The following SMYD1 variants were observed in gnomAD, a reference collection of about 807,000 sequenced individuals.
SMYD1 encodes the protein SET and MYND domain containing 1.
SMYD1 carries 49 observed loss-of-function variants against 54.0 expected under a neutral mutation model. The observed-to-expected ratio is 0.91, with a 90% confidence interval of 0.72 to 1.15. SMYD1 has a LOEUF of 1.15. SMYD1 is among the 50% of genes most tolerant of loss of function. The pLI is 0.00. For missense variants in SMYD1, 653 were observed against 639.6 expected (o/e 1.02, Z -0.23); for synonymous variants, 269 against 234.2 (o/e 1.15, Z -1.36).
intron 6 of SMYD1, among the ~76,000 whole-genome samples, chr2:88,098,639 G>A (rs148557101): frequency 6.6e-6 from 1 of 152,096 alleles, no homozygotes; most frequent in Non-Finnish European, 1.5e-5. Flanking sequence ...TAATGTAGTA[G>A]GAAGAATACT....
At position 88,091,034 on chromosome 2, in the gene SMYD1, TCA is replaced by T; in HGVS notation, c.552_553del (p.Ser185Ter). 1.2e-6 allele frequency: 2 copies of T among 1,614,062 alleles called. No individual in the cohort carries two copies. The highest frequency in any genetic ancestry group is 1.1e-5 in the South Asian group (1 of 91,042). On this transcript the variant is annotated frameshift_variant, in exon 4 of 10. Coordinates refer to ENST00000419482, the MANE Select transcript of SMYD1 (RefSeq NM_198274.4). LOFTEE classifies it high-confidence loss of function. ...TAGATTAACTGCAACGGTTTTACTC[TCA>T]GTGATCAGAGAGGCCTGCAGGCCGT...
At chr2:88,098,873 G>A (rs1674660189) in intron 6 of SMYD1, among the ~76,000 whole-genome samples, 1 of 152,064 alleles carries the variant, frequency 6.6e-6, no homozygotes, top group African/African-American at 2.4e-5. Context: ...GCCTCCATCA[G>A]TACACCAGCC....
At chr2:88,110,200 AGTGTGTGTGTGTGTGT>A (rs3222709) in intron 9 of SMYD1, among the ~76,000 whole-genome samples, 138 bp from the exon 10 acceptor site, 1 of 138,986 alleles carries the variant, frequency 7.2e-6, no homozygotes, top group Non-Finnish European at 1.5e-5. Flanking sequence ...TTGATGAATG[AGTGTGTGTGTGTGTGT>A]GTGTGTGTGT....
intron 6 of SMYD1, among the ~76,000 whole-genome samples, chr2:88,098,583 CT>C (rs1490802193): frequency 6.6e-6 from 1 of 152,108 alleles, no homozygotes; most frequent in Non-Finnish European, 1.5e-5. Flanking sequence ...TTGAGTATAT[CT>C]TTTTAAAAGC....
chr2:88,074,908 T>C (rs915127822), intron 1 of SMYD1, among the ~76,000 whole-genome samples: 4 of 152,198 alleles, frequency 2.6e-5, no homozygotes, highest in African/African-American at 9.6e-5. Context: ...TGTGTGAGCA[T>C]GTGGGAATGG....
At chr2:88,082,643 G>A in intron 1 of SMYD1, 1 of 154,498 alleles carries the variant, frequency 6.5e-6, no homozygotes, top group Middle Eastern at 5.2e-4. Flanking sequence ...ACCTCCTTCG[G>A]CTACAGGGAT....
intron 8 of SMYD1, 52 bp from the exon 9 acceptor site, chr2:88,108,319 C>T (rs1028339604): frequency 4.1e-6 from 6 of 1,448,152 alleles, no homozygotes; most frequent in Non-Finnish European, 4.6e-6. Flanking sequence ...AAATTAAGTG[C>T]AGATATAAGG....
rs538266390 is a variant in SMYD1 at position 88,089,701 on chromosome 2, T to TC, written c.529-1308dup. ...TCCATCTTCCAGGCTCAAGTGATCC[T>TC]CCCGCCTCCCAAGTAGCTGGGACCA... On this transcript the variant is annotated intron_variant, in intron 3 of 9. Transcript: ENST00000419482. Among the ~76,000 whole-genome samples, 870 of 147,706 alleles carry TC rather than the reference T, an allele frequency of 5.9e-3. 7 individuals carry two copies. The highest frequency in any genetic ancestry group is 0.021 in the African/African-American group (832 of 40,278).
intron 9 of SMYD1, among the ~76,000 whole-genome samples, chr2:88,109,281 C>G (rs930070325): frequency 1.4e-5 from 1 of 72,416 alleles, no homozygotes; most frequent in Non-Finnish European, 2.9e-5. Context: ...TGTGTGCATG[C>G]ACACAGCCAT....
chr2:88,068,151 G>T, intron 1 of SMYD1, 150 bp downstream of exon 1: 1 of 1,141,836 alleles, frequency 8.8e-7, no homozygotes, highest in Non-Finnish European at 1.2e-6. Flanking sequence ...TAATTTTTCT[G>T]GCACAAATTT....
chr2:88,070,345 A>G (rs998973008), intron 1 of SMYD1, among the ~76,000 whole-genome samples: 2 of 152,220 alleles, frequency 1.3e-5, no homozygotes, highest in Non-Finnish European at 2.9e-5. Flanking sequence ...GTTTTAATCC[A>G]TCTTACTGCA....
chr2:88,087,334 G>A (rs563730601), intron 2 of SMYD1, among the ~76,000 whole-genome samples: 2 of 152,164 alleles, frequency 1.3e-5, no homozygotes, highest in African/African-American at 2.4e-5. Context: ...CCAGGCTGCC[G>A]CACCTCTCTG....
intron 7 of SMYD1, among the ~76,000 whole-genome samples, chr2:88,104,199 A>C (rs757609229): frequency 6.6e-5 from 10 of 151,976 alleles, no homozygotes; most frequent in African/African-American, 1.2e-4. Flanking sequence ...ATTTCCCAAC[A>C]TCATGATCTG....
In SMYD1 at chr2:88,108,428, G is replaced by C; in HGVS notation, c.1203G>C (p.Leu401=). The C allele has an allele frequency of 6.2e-7, 1 of 1,613,026 alleles. No individual in the cohort carries two copies. Among genetic ancestry groups the C allele is most frequent in the Admixed American group, 1.7e-5 (1 of 59,908 alleles). ...QLGMAVMRAG[L]TNWHAGNIEV... ...GCATGGCCGTGATGCGGGCAGGGCT[G>C]ACCAACTGGCATGCTGGTAACATTG... Residue 401 remains leucine, a synonymous_variant, in exon 9 of 10, where the codon CTG becomes CTC. Transcript: ENST00000419482.
At chr2:88,089,480 C>G (rs1674414007) in intron 3 of SMYD1, among the ~76,000 whole-genome samples, 1 of 151,924 alleles carries the variant, frequency 6.6e-6, no homozygotes, top group Admixed American at 6.6e-5. Context: ...GAACAGAAAA[C>G]CTAGGCCCAG....
intron 6 of SMYD1, 37 bp downstream of exon 6, chr2:88,096,821 T>C: frequency 6.3e-7 from 1 of 1,586,838 alleles, no homozygotes; most frequent in African/African-American, 1.3e-5. Flanking sequence ...TTTGTGTCTG[T>C]CTTCTCCGGG....
intron 4 of SMYD1, among the ~76,000 whole-genome samples, chr2:88,092,990 C>T (rs1291807442): frequency 6.6e-6 from 1 of 152,232 alleles, no homozygotes; most frequent in Non-Finnish European, 1.5e-5. Flanking sequence ...TTTGCATTTC[C>T]TGTCTAGCCA....
In SMYD1 at chr2:88,110,394, G is replaced by C; in HGVS notation, c.1355G>C (p.Arg452Pro). ...ACGGAGATGGAGCTACGCATGTTCC[G>C]CCAGAACGAATTCATGTACTACAAG... ...VQTEMELRMF[R>P]QNEFMYYKMR... Residue 452 changes from arginine (R) to proline (P), a missense_variant, in exon 10 of 10, where the codon CGC becomes CCC. Coordinates refer to ENST00000419482, the MANE Select transcript of SMYD1 (RefSeq NM_198274.4). 4 of 1,612,736 alleles carry C rather than the reference G, an allele frequency of 2.5e-6. No individual in the cohort carries two copies. The highest frequency in any genetic ancestry group is 3.4e-6 in the Non-Finnish European group (4 of 1,179,444).
Position 88,083,303 on chromosome 2 carries a change from T to C in SMYD1, c.138-1013T>C, listed in dbSNP as rs1308239500. The C allele has an allele frequency of 2.0e-5, 3 of 152,224 alleles. No homozygotes were observed. In the East Asian group the frequency reaches 5.8e-4, roughly 29 times the overall value. The allele number at this position is 152,224 out of a possible 1,614,324, so 9.4% of individuals were successfully genotyped here. A position where few individuals can be genotyped will look rare whatever the true frequency, so the allele number is the denominator to read the frequency against. On this transcript the variant is annotated intron_variant, in intron 1 of 9. Transcript: ENST00000419482. The stretch of plus-strand genomic sequence containing the variant: ...ACATCATACCAGATTTCTCTCACTC[T>C]GGATGTCAGGCTGTGTCCTGAAATA...
Sources: allele counts gnomAD v4.1 joint callset (sites outside exome capture counted in the v4.1 genomes callset), GRCh38; gene constraint gnomAD v4.1.1; transcripts MANE v1.5; gene names NCBI Gene and HGNC (gene_info 2026-07-23, HGNC 2026-07-21).